ZFAT: variants seen among roughly 807,000 people sequenced by gnomAD.
ZFAT encodes the protein zinc finger and AT-hook domain containing.
A neutral mutation model predicts 117.7 loss-of-function variants in ZFAT; 64 were observed. The observed-to-expected ratio is 0.54, with a 90% CI of 0.44 to 0.67. The LOEUF is 0.67. ZFAT is among the 30% of genes least tolerant of loss of function. The pLI is 0.00. For missense variants in ZFAT, 1,433 were observed against 1,584.5 expected, an observed-to-expected ratio of 0.90 and a Z score of 1.62; for synonymous variants, 679 against 615.0, an observed-to-expected ratio of 1.10 and a Z score of -1.54.
At chr8:134,696,744 G>C (rs1453390840) in intron 1 of ZFAT, among the ~76,000 whole-genome samples, 1 of 152,192 alleles carries the variant, frequency 6.6e-6, no homozygotes, top group Non-Finnish European at 1.5e-5. Context: ...TGTGGCCTGA[G>C]GCTGGTAGCC....
At position 134,602,996 on chromosome 8, in the gene ZFAT, TC is replaced by T. The variant is rs1272662955; in HGVS notation, c.786-64del. ...TTGAATGTTCCTCATGAACTCTACA[TC>T]CTTTTCATGAACCAAACACTAAAGG... On this transcript the variant is annotated intron_variant, in intron 5 of 15. Transcript: ENST00000377838. 3.9e-6 allele frequency: 6 copies of T among 1,539,684 alleles called. No individual in the cohort carries two copies. In the African/African-American group the frequency reaches 8.3e-5, roughly 21 times the overall value.
the ZFAT span, among the ~76,000 whole-genome samples, chr8:134,731,452 C>A: frequency 1.3e-5 from 2 of 152,208 alleles, no homozygotes; most frequent in South Asian, 4.1e-4. Context: ...ATAGTATTTT[C>A]AGCTTTGCAG....
the ZFAT span, among the ~76,000 whole-genome samples, chr8:134,749,349 A>T: frequency 4.6e-5 from 7 of 152,198 alleles, no homozygotes; most frequent in Admixed American, 2.6e-4. Flanking sequence ...ACAGAAATTT[A>T]TTGCTCATGG....
At chr8:134,660,297 C>T (rs1470522620) in intron 1 of ZFAT, among the ~76,000 whole-genome samples, 39 of 152,246 alleles carry the variant, frequency 2.6e-4, no homozygotes, top group Admixed American at 2.6e-3. Context: ...TGTTTGGCTA[C>T]AGCCCATGAG....
intron 2 of ZFAT, among the ~76,000 whole-genome samples, chr8:134,649,210 T>A (rs1349199108): frequency 1.9e-5 from 2 of 104,506 alleles, no homozygotes; most frequent in African/African-American, 8.7e-5. Context: ...CACCCCATCA[T>A]ACTTAATGGT....
At chr8:134,629,068 G>A (rs1295297883) in intron 3 of ZFAT, among the ~76,000 whole-genome samples, 1 of 152,122 alleles carries the variant, frequency 6.6e-6, no homozygotes, top group Non-Finnish European at 1.5e-5. Flanking sequence ...ATGGACCCAC[G>A]AGGACAACAG....
intron 2 of ZFAT, among the ~76,000 whole-genome samples, chr8:134,657,296 T>A (rs1028179919): frequency 2.6e-5 from 4 of 152,240 alleles, no homozygotes; most frequent in Admixed American, 2.0e-4. Context: ...AAACCCACAC[T>A]TGTCTGACAA....
At chr8:134,710,330 G>C (rs1011229713) in intron 1 of ZFAT, among the ~76,000 whole-genome samples, 1 of 152,242 alleles carries the variant, frequency 6.6e-6, no homozygotes, top group Non-Finnish European at 1.5e-5. Context: ...CTTAGAGCCT[G>C]TTACTTGCAC....
chr8:134,745,927 A>G, the ZFAT span, among the ~76,000 whole-genome samples: 3 of 152,192 alleles, frequency 2.0e-5, no homozygotes, highest in Admixed American at 1.3e-4. Context: ...GTCTGGCTCC[A>G]AAGCCTTTGC....
chr8:134,737,751 A>G, the ZFAT span, among the ~76,000 whole-genome samples: 2 of 152,186 alleles, frequency 1.3e-5, no homozygotes, highest in African/African-American at 2.4e-5. Context: ...CAGTTGATGA[A>G]CCTAGCATCA....
the ZFAT span, among the ~76,000 whole-genome samples, chr8:134,757,009 C>CTTT: frequency 7.4e-3 from 602 of 81,138 alleles, 2 homozygotes; most frequent in Non-Finnish European, 8.6e-3. Context: ...ACCTTCTTTC[C>CTTT]TTTTTTTTTT....
At chr8:134,503,399 A>C (rs1000091397) in intron 15 of ZFAT, among the ~76,000 whole-genome samples, 4 of 152,238 alleles carry the variant, frequency 2.6e-5, no homozygotes, top group African/African-American at 9.6e-5. Context: ...TGAAACTGAG[A>C]ATTTCACCCT....
chr8:134,712,886 A>C lies in ZFAT; in HGVS notation c.-23T>G. On this transcript the variant is annotated 5_prime_UTR_variant, in exon 1 of 16. Transcript: ENST00000377838. ...CATGGCAACGCCCCACCGCGGAGGA[A>C]AAAAAAGCCTCGGGCTCTTCCGGGC... is the stretch of plus-strand genomic sequence containing the variant. 1.3e-6 allele frequency: 2 copies of C among 1,505,990 alleles called. No individual in the cohort carries two copies. The highest frequency in any genetic ancestry group is 1.8e-6 in the Non-Finnish European group (2 of 1,127,036). 93.3% of individuals were successfully genotyped at this position (1,505,990 alleles called of 1,614,324 possible). A position where few individuals can be genotyped will look rare whatever the true frequency, so the allele number is the denominator to read the frequency against.
the ZFAT span, among the ~76,000 whole-genome samples, chr8:134,782,860 C>CT: frequency 6.6e-5 from 10 of 152,122 alleles, no homozygotes; most frequent in African/African-American, 2.2e-4. Flanking sequence ...CCCTGCATCT[C>CT]TTTTTAAGAA....
chr8:134,816,131 A>G, the ZFAT span, among the ~76,000 whole-genome samples: 1 of 152,230 alleles, frequency 6.6e-6, no homozygotes, highest in Non-Finnish European at 1.5e-5. Flanking sequence ...TACACAAAGC[A>G]TCTCATTTAA....
chr8:134,673,702 T>A (rs191736352), intron 1 of ZFAT, among the ~76,000 whole-genome samples: 1 of 151,128 alleles, frequency 6.6e-6, no homozygotes, highest in East Asian at 1.9e-4. Context: ...TGTATTTGAA[T>A]AACCTCAGTA....
rs1219794523 is a variant in ZFAT, at chr8:134,645,435, G to T, written c.197-7723C>A. 2.6e-5 allele frequency among the ~76,000 whole-genome samples: 4 copies of T among 152,140 alleles called. No individual in the cohort carries two copies. In the South Asian group the frequency reaches 8.3e-4, roughly 32 times the overall value. ...TGTTAAGAGGCTGAGTTTAACTAAG[G>T]AATTCATGCTTTTTAAAATTAAACT... On this transcript the variant is annotated intron_variant, in intron 2 of 15. Coordinates refer to ENST00000377838, the MANE Select transcript of ZFAT (RefSeq NM_020863.4).
At chr8:134,569,862 T>C (rs1230434397) in intron 10 of ZFAT, among the ~76,000 whole-genome samples, 1 of 152,096 alleles carries the variant, frequency 6.6e-6, no homozygotes, top group Non-Finnish European at 1.5e-5. Context: ...ACAAAAAGCA[T>C]AAAAGCAGAG....
the ZFAT span, among the ~76,000 whole-genome samples, chr8:134,720,822 A>G: frequency 2.6e-5 from 4 of 152,238 alleles, no homozygotes; most frequent in African/African-American, 9.6e-5. Flanking sequence ...TGCTGCTGCC[A>G]AAGTGAGTAA....
Sources: gnomAD v4.1 joint callset for allele counts (sites outside exome capture counted in the v4.1 genomes callset) on GRCh38, gnomAD v4.1.1 for gene constraint, MANE v1.5 for transcripts, NCBI Gene and HGNC (gene_info 2026-07-23, HGNC 2026-07-21) for gene names.